The following SEC16A variants were observed in gnomAD, a reference collection of about 807,000 sequenced individuals.
SEC16A encodes the protein protein transport protein Sec16A.
In SEC16A, 110 loss-of-function variants were observed where a neutral mutation model predicts 221.9. That is an observed-to-expected ratio of 0.50 (90% CI 0.42 to 0.58). The LOEUF (loss-of-function observed/expected upper bound fraction) is 0.58. Ranked by LOEUF, SEC16A falls within the 20% of genes least tolerant of loss-of-function variation. The pLI is 0.00. For missense variants in SEC16A, 3,165 were observed against 3,097.8 expected, an observed-to-expected ratio of 1.02 and a Z score of -0.52; for synonymous variants, 1,393 against 1,257.7, an observed-to-expected ratio of 1.11 and a Z score of -2.28.
rs571106956 is a variant in SEC16A at position 136,477,658 on chromosome 9, C to G, written c.-43G>C. 2 of 1,519,868 alleles carry G rather than the reference C, an allele frequency of 1.3e-6. No individual in the cohort carries two copies. The highest frequency in any genetic ancestry group is 2.3e-5 in the East Asian group (1 of 42,938). 94.1% of individuals were successfully genotyped at this position (1,519,868 alleles called of 1,614,324 possible). A position where few individuals can be genotyped will look rare whatever the true frequency, so the allele number is the denominator to read the frequency against. On this transcript the variant is annotated 5_prime_UTR_variant, in exon 3 of 32. Transcript: ENST00000684901. ...AGTCGATGCTGCTTACAGAAGGAAG[C>G]AGGATATAGCTGTTCCTTAATTGGA...
At position 136,451,452 on chromosome 9, in the gene SEC16A, C is replaced by T. The variant is rs1182223153; in HGVS notation, c.6160-44G>A. The T allele has an allele frequency of 2.6e-6, 4 of 1,540,638 alleles. No individual in the cohort carries two copies. In the Admixed American group the frequency reaches 6.4e-5, roughly 25 times the overall value. On this transcript the variant is annotated intron_variant, in intron 22 of 31. Coordinates refer to ENST00000684901, the MANE Select transcript of SEC16A (RefSeq NM_014866.2). The stretch of plus-strand genomic sequence containing the variant: ...GAACAGGCTCTCCTGGGGCTCCTCA[C>T]AGGAACCGAAAGAGAGAGGGGGATG...
chr9:136,477,333 G>A lies in SEC16A; in HGVS notation c.283C>T (p.Pro95Ser). 1 of 1,613,968 alleles carries A rather than the reference G, an allele frequency of 6.2e-7. No homozygotes were observed. Reference sequence around the variant, plus strand: ...GAGCTATCTCTGGCATGTGTGTGAGGAACAAGCAAACCGGGGTGCTGAGAA... The same window carrying A: ...GAGCTATCTCTGGCATGTGTGTGAGAAACAAGCAAACCGGGGTGCTGAGAA... ...GFSQHPGLLV[P>S]HTHARDSSQG... The change falls in exon 3 of 32, where the codon CCT becomes TCT. Residue 95 changes from proline (P) to serine (S), a missense_variant. Physicochemically the swap from Pro to Ser is moderately conservative, Grantham distance 74. Transcript: ENST00000684901.
Position 136,447,654 on chromosome 9 carries a change from G to C in SEC16A, c.6474C>G (p.Thr2158=). The C allele has an allele frequency of 1.9e-6, 3 of 1,613,044 alleles. No homozygotes were observed. The highest frequency in any genetic ancestry group is 2.5e-6 in the Non-Finnish European group (3 of 1,179,224). ...CAGCTTGCACAGTCTTGGGCATCGA[G>C]GTTGGAGGTGGGGGCGGGGCTTTCT... ...EEKKAPPPPP[T]SMPKTVQAAP... Residue 2158 remains threonine (T), a synonymous_variant, in exon 26 of 32, where the codon ACC becomes ACG. Transcript: ENST00000684901. This position sits in a 1 kb window ranked among gnomAD's most constrained non-coding sequence, Gnocchi z 5.5.
chr9:136,473,864 T>A (rs954744204), intron 3 of SEC16A, among the ~76,000 whole-genome samples, 185 bp downstream of exon 3: 1 of 151,992 alleles, frequency 6.6e-6, no homozygotes, highest in African/African-American at 2.4e-5. Flanking sequence ...CTTGGGAGAG[T>A]AGGTTCTGGA....
chr9:136,443,774 C>A, intron 31 of SEC16A, 49 bp downstream of exon 31: 5 of 1,396,776 alleles, frequency 3.6e-6, no homozygotes, highest in Non-Finnish European at 5.1e-6. Flanking sequence ...AGGGTCAGGT[C>A]GTCAGTGGGC....
chr9:136,460,873 C>T (rs113652241), intron 13 of SEC16A, among the ~76,000 whole-genome samples: 1 of 151,868 alleles, frequency 6.6e-6, no homozygotes, highest in Non-Finnish European at 1.5e-5. Flanking sequence ...AGATCGCGCC[C>T]CTGCACTTCA....
chr9:136,463,256 A>G, intron 11 of SEC16A, 124 bp from the exon 12 acceptor site: 1 of 1,409,400 alleles, frequency 7.1e-7, no homozygotes, highest in South Asian at 1.3e-5. Context: ...AAAGGCTGGC[A>G]AGGCTGGGCT....
chr9:136,457,616 C>G, intron 17 of SEC16A, 32 bp from the exon 18 acceptor site: 2 of 1,594,296 alleles, frequency 1.3e-6, no homozygotes, highest in Non-Finnish European at 1.7e-6. Context: ...TGCCCTGCGG[C>G]TCCCCCGCGT....
chr9:136,445,091 C>A lies in SEC16A; in HGVS notation c.6888G>T (p.Met2296Ile). 6.2e-7 allele frequency: 1 copy of A among 1,607,042 alleles called. No homozygotes were observed. The highest frequency in any genetic ancestry group is 1.1e-5 in the South Asian group (1 of 89,402). ...QGGELSRCSSMSSLSREVSQH... is the reference protein window; with the variant it reads ...QGGELSRCSSISSLSREVSQH... ...GGCTCACTTCACGTGATAATGAACT[C>A]ATTGAACTACAGCGCGAAAGCTACA... Residue 2296 changes from methionine to isoleucine, a missense_variant, in exon 30 of 32, where the codon ATG becomes ATT. Physicochemically the swap from Met to Ile is conservative, Grantham distance 10. Coordinates refer to ENST00000684901, the MANE Select transcript of SEC16A (RefSeq NM_014866.2).
rs1588931012 is a variant in SEC16A at position 136,459,067 on chromosome 9, C to T, written c.5409+67G>A. The T allele has an allele frequency of 6.0e-6, 7 of 1,170,268 alleles. No homozygotes were observed. The Admixed American group carries it at 1.7e-4, about 29-fold the overall frequency. The allele number at this position is 1,170,268 out of a possible 1,614,324, so 72.5% of individuals were successfully genotyped here. A position where few individuals can be genotyped will look rare whatever the true frequency, so the allele number is the denominator to read the frequency against. ...ATACCAATTCAAACAATCTAAGTAGCCAAAAGCTTGTTAGCACTGAGTGCC... is the reference window on the plus strand; with the variant it reads ...ATACCAATTCAAACAATCTAAGTAGTCAAAAGCTTGTTAGCACTGAGTGCC... On this transcript the variant is annotated intron_variant, in intron 17 of 31. Coordinates refer to ENST00000684901, the MANE Select transcript of SEC16A (RefSeq NM_014866.2). The surrounding 1 kb of genome is among the most constrained non-coding windows in gnomAD (Gnocchi z 6.1).
chr9:136,456,381 A>C (rs1838674178), intron 18 of SEC16A, among the ~76,000 whole-genome samples: 1 of 152,222 alleles, frequency 6.6e-6, no homozygotes, highest in African/African-American at 2.4e-5. Flanking sequence ...GCCCACGGGC[A>C]CTGGGTTGGC....
At position 136,454,132 on chromosome 9, in the gene SEC16A, T is replaced by C. The variant is rs754188374; in HGVS notation, c.6053A>G (p.Gln2018Arg). ...ACCTGGGTCTGGGCTCCTGGCTTCCTGGAGCAAGTGTCTCCTTTCCTGCAG... is the reference window on the plus strand; with the variant it reads ...ACCTGGGTCTGGGCTCCTGGCTTCCCGGAGCAAGTGTCTCCTTTCCTGCAG... ...PPLQERRHLL[Q>R]EARSPDPGIV... The change falls in exon 21 of 32, where the codon CAG becomes CGG. Residue 2018 changes from glutamine (Q) to arginine (R), a missense_variant. This residue lies in a region of SEC16A where 1,088 missense variants were observed against 1,089.6 expected (regional missense o/e 1.00). Coordinates refer to ENST00000684901, the MANE Select transcript of SEC16A (RefSeq NM_014866.2). 1.9e-6 allele frequency: 3 copies of C among 1,552,458 alleles called. No individual in the cohort carries two copies. The South Asian group carries it at 3.6e-5, about 18-fold the overall frequency.
intron 12 of SEC16A, among the ~76,000 whole-genome samples, chr9:136,461,855 C>T (rs1453265520): frequency 6.6e-6 from 1 of 152,024 alleles, no homozygotes; most frequent in African/African-American, 2.4e-5. Context: ...GCCTATAATC[C>T]CAGCACTTTG....
chr9:136,483,801 G>C (rs984166887), upstream of SEC16A: 2 of 985,260 alleles, frequency 2.0e-6, no homozygotes, highest in African/African-American at 3.5e-5. Context: ...AGGCGGCGGC[G>C]GCCGCGCATG....
intron 29 of SEC16A, 129 bp downstream of exon 29, chr9:136,445,516 C>T (rs907234599): frequency 1.8e-5 from 13 of 713,804 alleles, no homozygotes; most frequent in African/African-American, 3.6e-5. Context: ...ACACCACCTT[C>T]GAGGTGCTCT....
chr9:136,464,651 T>C, intron 8 of SEC16A, 89 bp from the exon 9 acceptor site: 1 of 1,195,540 alleles, frequency 8.4e-7, no homozygotes, highest in African/African-American at 1.5e-5. Flanking sequence ...ACAGCTTAAA[T>C]CACAGGTTAG....
intron 29 of SEC16A, among the ~76,000 whole-genome samples, 169 bp downstream of exon 29, chr9:136,445,475 TA>T (rs1471663457): frequency 6.6e-6 from 1 of 152,198 alleles, no homozygotes; most frequent in African/African-American, 2.4e-5. Context: ...ACAGTTTTGT[TA>T]AAACAAGTGC....
chr9:136,472,198 G>A (rs1840968353), intron 3 of SEC16A, 87 bp from the exon 4 acceptor site: 1 of 1,528,614 alleles, frequency 6.5e-7, no homozygotes, highest in African/African-American at 1.4e-5. Context: ...ACATTGCAGA[G>A]GGCGGGCAGC....
In SEC16A at chr9:136,476,353, G is replaced by A; in HGVS notation, c.1263C>T (p.Gly421=). 6.2e-7 allele frequency: 1 copy of A among 1,611,204 alleles called. No homozygotes were observed. Among genetic ancestry groups the A allele is most frequent in the Non-Finnish European group, 8.5e-7 (1 of 1,179,538 alleles). The change falls in exon 3 of 32, where the codon GGC becomes GGT. Residue 421 remains glycine (G), a synonymous_variant. Coordinates refer to ENST00000684901, the MANE Select transcript of SEC16A (RefSeq NM_014866.2). ...RPPAPTHVGA[G]SLCQALLPGP... The stretch of plus-strand genomic sequence containing the variant: ...CTGGGAGAAGGGCCTGGCAGAGGCT[G>A]CCTGCCCCCACGTGTGTAGGTGCGG...
Sources: gnomAD v4.1 joint callset for allele counts (sites outside exome capture counted in the v4.1 genomes callset) on GRCh38, gnomAD v4.1.1 for gene constraint, gnomAD v4.1.1 regional missense constraint, Gnocchi (gnomAD v3.1) non-coding constraint, MANE v1.5 for transcripts, NCBI Gene and HGNC (gene_info 2026-07-23, HGNC 2026-07-21) for gene names.